The following MPV17 variants were observed in gnomAD, a reference collection of about 807,000 sequenced individuals.
MPV17 encodes MPV17, mitochondrial inner membrane protein.
MPV17 carries 31 observed loss-of-function variants against 28.6 expected under a neutral mutation model. The observed-to-expected ratio is 1.08, with a 90% CI of 0.81 to 1.46. MPV17 has a LOEUF of 1.46. MPV17 is among the 40% of genes most tolerant of loss of function. MPV17 has a pLI of 0.00. For missense variants in MPV17, 198 were observed against 216.2 expected, an observed-to-expected ratio of 0.92 and a Z score of 0.53; for synonymous variants, 87 against 85.3, an observed-to-expected ratio of 1.02 and a Z score of -0.11.
chr2:27,316,985 G>A, intron 2 of MPV17: 1 of 1,228,436 alleles, frequency 8.1e-7, no homozygotes. Flanking sequence ...ACCACTTCCT[G>A]CCCACTAGTG....
At chr2:27,318,406 G>T (rs1322763924) in intron 2 of MPV17, among the ~76,000 whole-genome samples, 2 of 151,648 alleles carry the variant, frequency 1.3e-5, no homozygotes, top group African/African-American at 4.8e-5. Flanking sequence ...CGTCCAGGCT[G>T]GAGTGCAGTG....
chr2:27,311,879 G>A lies in MPV17; in HGVS notation c.461+20C>T, dbSNP rs1353292366. ...GTAACGTGGGTCTTCCTTGATGGGT[G>A]GGGTAGGGGTGCAACATACCTGTAA... is the stretch of plus-strand genomic sequence containing the variant. On this transcript the variant is annotated intron_variant, in intron 7 of 7. Transcript: ENST00000380044. The A allele has an allele frequency of 3.1e-6, 5 of 1,612,836 alleles. No homozygotes were observed. Among genetic ancestry groups the A allele is most frequent in the Admixed American group, 1.7e-5 (1 of 59,988 alleles).
intron 2 of MPV17, among the ~76,000 whole-genome samples, chr2:27,315,494 CTT>C (rs1352340933): frequency 2.0e-5 from 3 of 152,210 alleles, no homozygotes; most frequent in South Asian, 2.1e-4. Context: ...ACAAAAGACT[CTT>C]ATACATTTAA....
chr2:27,314,433 G>C (rs1280893649), intron 2 of MPV17, among the ~76,000 whole-genome samples: 2 of 152,206 alleles, frequency 1.3e-5, no homozygotes, highest in Non-Finnish European at 2.9e-5. Flanking sequence ...CCACCTCTTA[G>C]CACAATCAGC....
At position 27,309,588 on chromosome 2, in the gene MPV17, G is replaced by T; in HGVS notation, c.*324C>A. 1.1e-5 allele frequency: 6 copies of T among 562,150 alleles called. No homozygotes were observed. The South Asian group carries it at 1.3e-4, about 12-fold the overall frequency. The allele number at this position is 562,150 out of a possible 1,614,324, so 34.8% of individuals were successfully genotyped here. A position where few individuals can be genotyped will look rare whatever the true frequency, so the allele number is the denominator to read the frequency against. On this transcript the variant is annotated 3_prime_UTR_variant, in exon 8 of 8. Transcript: ENST00000380044. ...TGGAGCTACAAGAAGCCTAGGCAGG[G>T]TTAGAGTAACAAATGTGTCTATGAA...
chr2:27,315,953 A>C, intron 2 of MPV17: 1 of 1,468,790 alleles, frequency 6.8e-7, no homozygotes, highest in Non-Finnish European at 9.0e-7. Flanking sequence ...CTCAAGGAGG[A>C]CCAAGGAGGC....
At position 27,309,804 on chromosome 2, in the gene MPV17, G is replaced by T. The variant is rs181227313; in HGVS notation, c.*108C>A. On this transcript the variant is annotated 3_prime_UTR_variant, in exon 8 of 8. Coordinates refer to ENST00000380044, the MANE Select transcript of MPV17 (RefSeq NM_002437.5). ...GTGCTAGTCCTCTTAAGCTCTGACC[G>T]GCAACCCAACCCCGTGGAAACTGGT... The T allele has an allele frequency of 2.7e-5, 24 of 881,350 alleles. No individual in the cohort carries two copies. The highest frequency in any genetic ancestry group is 4.2e-5 in the Non-Finnish European group (22 of 528,076). The allele number at this position is 881,350 out of a possible 1,614,324, so 54.6% of individuals were successfully genotyped here.
At chr2:27,312,645 A>G (rs765510289) in intron 4 of MPV17, 35 bp downstream of exon 4, 2 of 1,612,788 alleles carry the variant, frequency 1.2e-6, no homozygotes, top group Non-Finnish European at 1.7e-6. Context: ...TACCCCCAAC[A>G]CAGCTCACCC....
At chr2:27,316,177 A>G (rs555798966) in intron 2 of MPV17, 48 of 1,551,186 alleles carry the variant, frequency 3.1e-5, no homozygotes, top group Non-Finnish European at 4.1e-5. Flanking sequence ...GATGGCAGAC[A>G]GCAATATTCC....
intron 2 of MPV17, chr2:27,322,182 T>G: frequency 1.8e-6 from 1 of 557,344 alleles, no homozygotes; most frequent in South Asian, 2.1e-5. Context: ...GGCAATGCCT[T>G]TATCCTTCAG....
chr2:27,312,949 G>T, intron 3 of MPV17, 45 bp downstream of exon 3: 1 of 1,604,166 alleles, frequency 6.2e-7, no homozygotes, highest in Non-Finnish European at 8.5e-7. Flanking sequence ...AAAGAACTAA[G>T]ACCACTGTTG....
intron 2 of MPV17, among the ~76,000 whole-genome samples, chr2:27,319,959 T>C (rs1386080472): frequency 1.4e-5 from 2 of 146,564 alleles, no homozygotes; most frequent in Non-Finnish European, 3.0e-5. Context: ...AAAAAAAGGC[T>C]GAGCTCAGTG....
In MPV17 at chr2:27,322,480, GC is replaced by G. The variant is rs772418004; in HGVS notation, c.37del (p.Ala13LeufsTer9). ...CAGGACCTGTACTTTCCACGGGTGA[GC>G]GGCCAGGGCCCGCTGGTATGCCCGC... is the stretch of plus-strand genomic sequence containing the variant. Reference protein sequence around the residue: ...LWRAYQRALAAHPWKVQVLTA... With the variant: ...LWRAYQRALAXHPWKVQVLTA... On this transcript the variant is annotated frameshift_variant, in exon 2 of 8. Coordinates refer to ENST00000380044, the MANE Select transcript of MPV17 (RefSeq NM_002437.5). LOFTEE classifies it high-confidence loss of function. The G allele has an allele frequency of 6.2e-7, 1 of 1,614,108 alleles. No individual in the cohort carries two copies. Among genetic ancestry groups the G allele is most frequent in the Non-Finnish European group, 8.5e-7 (1 of 1,180,038 alleles).
chr2:27,312,142 G>A, intron 6 of MPV17, 72 bp downstream of exon 6: 1 of 1,544,746 alleles, frequency 6.5e-7, no homozygotes, highest in East Asian at 2.2e-5. Context: ...ATGTCAGGAG[G>A]ACCCCCCAAT....
chr2:27,312,971 GC>G (rs1558599898), intron 3 of MPV17, 22 bp downstream of exon 3: 2 of 1,612,304 alleles, frequency 1.2e-6, no homozygotes, highest in Admixed American at 3.3e-5. Flanking sequence ...GTCCACTGAA[GC>G]CCTGTTGAGG....
At chr2:27,320,330 T>A (rs1337367328) in intron 2 of MPV17, among the ~76,000 whole-genome samples, 1 of 151,628 alleles carries the variant, frequency 6.6e-6, no homozygotes, top group Non-Finnish European at 1.5e-5. Flanking sequence ...ACTCAAGATT[T>A]TTTTTTTGTT....
intron 2 of MPV17, 26 bp from the exon 3 acceptor site, chr2:27,313,135 A>G (rs371039950): frequency 6.8e-6 from 11 of 1,613,994 alleles, no homozygotes; most frequent in African/African-American, 1.3e-5. Context: ...AGGTGTTGTC[A>G]GGACATCTCC....
At chr2:27,322,206 G>C (rs1054842708) in intron 2 of MPV17, 1 of 585,440 alleles carries the variant, frequency 1.7e-6, no homozygotes. Flanking sequence ...TGACTGTTCA[G>C]CTTTTTGAGG....
chr2:27,312,502 G>A lies in MPV17; in HGVS notation c.367C>T (p.Leu123=). The change falls in exon 5 of 8, where the codon CTA becomes TTA. Residue 123 remains leucine (L), a synonymous_variant. Coordinates refer to ENST00000380044, the MANE Select transcript of MPV17 (RefSeq NM_002437.5). ...ACACCTGCCCAGCTCACCCGCTGTA[G>A]TTTGGCCCAGTTGTCCTGGGCTGAC... ...GLSAQDNWAK[L]QRDYPDALIT... is the part of the protein sequence containing the mutation. The A allele has an allele frequency of 6.2e-7, 1 of 1,614,094 alleles. No homozygotes were observed. The highest frequency in any genetic ancestry group is 1.1e-5 in the South Asian group (1 of 91,082).
Sources: gnomAD v4.1 joint callset for allele counts (sites outside exome capture counted in the v4.1 genomes callset) on GRCh38, gnomAD v4.1.1 for gene constraint, MANE v1.5 for transcripts, NCBI Gene and HGNC (gene_info 2026-07-23, HGNC 2026-07-21) for gene names.